MRPL1: variants seen among roughly 807,000 people sequenced by gnomAD.
MRPL1 encodes the protein large ribosomal subunit protein uL1m.
A neutral mutation model predicts 38.0 loss-of-function variants in MRPL1; 28 were observed. That is an observed-to-expected ratio of 0.74 (90% CI 0.55 to 1.01). MRPL1 has a LOEUF of 1.01. MRPL1 is among the 50% of genes least tolerant of loss of function. The pLI is 0.00. For missense variants in MRPL1, 358 were observed against 389.8 expected, an observed-to-expected ratio of 0.92 and a Z score of 0.69; for synonymous variants, 123 against 126.7, an observed-to-expected ratio of 0.97 and a Z score of 0.20.
chr4:77,901,746 A>G (rs1479279515), intron 6 of MRPL1, among the ~76,000 whole-genome samples: 1 of 152,248 alleles, frequency 6.6e-6, no homozygotes, highest in Admixed American at 6.5e-5. Flanking sequence ...TAGACTAATC[A>G]TCAAGTACAG....
intron 7 of MRPL1, among the ~76,000 whole-genome samples, chr4:77,931,211 C>T (rs1578059439): frequency 6.6e-6 from 1 of 152,180 alleles, no homozygotes; most frequent in Admixed American, 6.5e-5. Flanking sequence ...AACGTGAACA[C>T]GAAGAACAGA....
chr4:77,894,737 G>A (rs746604630), intron 6 of MRPL1, among the ~76,000 whole-genome samples: 9 of 152,106 alleles, frequency 5.9e-5, no homozygotes, highest in Non-Finnish European at 8.8e-5. Context: ...ATAAGGAACT[G>A]TGTTATAAAG....
intron 6 of MRPL1, among the ~76,000 whole-genome samples, chr4:77,905,496 C>CAAAAAAAAAAA (rs374398968): frequency 3.2e-5 from 2 of 63,388 alleles, no homozygotes; most frequent in African/African-American, 6.3e-5. Context: ...GACTCCGTCT[C>CAAAAAAAAAAA]AAAAAAAAAA....
In MRPL1 at chr4:77,883,188, A is replaced by T. The variant is rs200185252; in HGVS notation, c.144-54A>T. 114,453 of 1,148,590 alleles carry T rather than the reference A, an allele frequency of 0.1. 3,907 individuals are homozygous for T. The highest frequency in any genetic ancestry group is 0.18 in the East Asian group (6,640 of 36,578). 71.1% of individuals were successfully genotyped at this position (1,148,590 alleles called of 1,614,324 possible). A position where few individuals can be genotyped will look rare whatever the true frequency, so the allele number is the denominator to read the frequency against. The stretch of plus-strand genomic sequence containing the variant: ...CTTATGTACACTGGCTTTTTTTTTA[A>T]AAAAAATCTCTTAGGATATATATTG... On this transcript the variant is annotated intron_variant, in intron 2 of 8. Coordinates refer to ENST00000315567, the MANE Select transcript of MRPL1 (RefSeq NM_020236.4).
intron 2 of MRPL1, among the ~76,000 whole-genome samples, chr4:77,880,226 G>T (rs992687037): frequency 2.6e-5 from 4 of 152,090 alleles, no homozygotes; most frequent in Non-Finnish European, 5.9e-5. Flanking sequence ...TTATTTTCTG[G>T]AGGCTCTAGG....
At chr4:77,920,294 A>G (rs1736537549) in intron 7 of MRPL1, among the ~76,000 whole-genome samples, 1 of 152,200 alleles carries the variant, frequency 6.6e-6, no homozygotes. Context: ...GTACCTGTAT[A>G]TACAAATGAA....
intron 7 of MRPL1, among the ~76,000 whole-genome samples, chr4:77,917,494 AT>A (rs1736448273): frequency 6.6e-6 from 1 of 152,058 alleles, no homozygotes. Context: ...AATTATCCTT[AT>A]TTTTTGACTT....
intron 7 of MRPL1, among the ~76,000 whole-genome samples, chr4:77,947,455 C>T (rs1450508287): frequency 6.6e-6 from 1 of 152,136 alleles, no homozygotes; most frequent in African/African-American, 2.4e-5. Flanking sequence ...AACCCTGTCC[C>T]TGTTTGTTTT....
chr4:77,891,354 T>G (rs1459792979), intron 5 of MRPL1, among the ~76,000 whole-genome samples: 5 of 151,260 alleles, frequency 3.3e-5, no homozygotes, highest in Admixed American at 6.6e-5. Flanking sequence ...TTTTTGTTTT[T>G]TTTTTTTTTC....
chr4:77,945,264 T>A (rs937256038), intron 7 of MRPL1, among the ~76,000 whole-genome samples: 1 of 151,826 alleles, frequency 6.6e-6, no homozygotes, highest in Non-Finnish European at 1.5e-5. Context: ...TTAAGAGTTT[T>A]GGCTCATCTT....
chr4:77,895,183 T>G (rs1159806430), intron 6 of MRPL1, among the ~76,000 whole-genome samples: 1 of 152,120 alleles, frequency 6.6e-6, no homozygotes, highest in Non-Finnish European at 1.5e-5. Context: ...CTTTAGAGCT[T>G]TAATCTGGCA....
intron 6 of MRPL1, among the ~76,000 whole-genome samples, chr4:77,894,453 GTTAC>G (rs1377404019): frequency 1.3e-5 from 2 of 151,974 alleles, no homozygotes; most frequent in Non-Finnish European, 2.9e-5. Flanking sequence ...TGAAAACCTA[GTTAC>G]TTTATAATAC....
chr4:77,929,778 A>AAG (rs1736803963), intron 7 of MRPL1, among the ~76,000 whole-genome samples: 2 of 151,832 alleles, frequency 1.3e-5, no homozygotes, highest in African/African-American at 4.8e-5. Context: ...TTAAAAAAAA[A>AAG]AATAGAAGAA....
intron 7 of MRPL1, among the ~76,000 whole-genome samples, chr4:77,946,184 T>C (rs898796835): frequency 2.0e-4 from 31 of 152,226 alleles, no homozygotes; most frequent in African/African-American, 6.5e-4. Context: ...GGTCTTAATA[T>C]TTAAAAGAAT....
chr4:77,906,082 G>C (rs1736151470), intron 6 of MRPL1, among the ~76,000 whole-genome samples: 1 of 152,162 alleles, frequency 6.6e-6, no homozygotes, highest in African/African-American at 2.4e-5. Context: ...TGCATGGATA[G>C]GATAAGAGAA....
At chr4:77,887,484 T>A (rs998958903) in intron 5 of MRPL1, among the ~76,000 whole-genome samples, 193 bp downstream of exon 5, 2 of 152,140 alleles carry the variant, frequency 1.3e-5, no homozygotes, top group African/African-American at 4.8e-5. Context: ...ATCCAGACAG[T>A]CTGATTTTGT....
chr4:77,949,899 A>G (rs1241996602), intron 8 of MRPL1, 21 bp downstream of exon 8: 8 of 1,509,598 alleles, frequency 5.3e-6, no homozygotes, highest in East Asian at 2.3e-5. Context: ...TGCTGAGGGT[A>G]GACTTCCCTA....
intron 1 of MRPL1, among the ~76,000 whole-genome samples, chr4:77,868,299 T>C (rs978246430): frequency 6.6e-6 from 1 of 152,134 alleles, no homozygotes; most frequent in Non-Finnish European, 1.5e-5. Context: ...TGGAGTGCAG[T>C]GGCTCAATCT....
intron 2 of MRPL1, among the ~76,000 whole-genome samples, chr4:77,879,861 T>C (rs571830924): frequency 8.5e-5 from 13 of 152,320 alleles, no homozygotes; most frequent in African/African-American, 2.2e-4. Context: ...CTGTGCCCCA[T>C]TGAAAATGAG....
Sources: gnomAD v4.1 joint callset for allele counts (sites outside exome capture counted in the v4.1 genomes callset) on GRCh38, gnomAD v4.1.1 for gene constraint, MANE v1.5 for transcripts, NCBI Gene and HGNC (gene_info 2026-07-23, HGNC 2026-07-21) for gene names.